LPIN1: variants seen among roughly 807,000 people sequenced by gnomAD.
The protein encoded by LPIN1 is phosphatidate phosphatase LPIN1.
Under a neutral mutation model 107.5 loss-of-function variants are expected in LPIN1, and 71 were observed. That is an observed-to-expected ratio of 0.66 (90% CI 0.55 to 0.80). The LOEUF (loss-of-function observed/expected upper bound fraction) is 0.80, where lower values mean the gene tolerates loss of function less well. Ranked by LOEUF, LPIN1 falls within the 30% of genes least tolerant of loss-of-function variation. The pLI, the probability that LPIN1 is intolerant of heterozygous loss-of-function variation, is 0.00. For missense variants in LPIN1, 1,043 were observed against 1,160.6 expected (o/e 0.90, Z 1.47); for synonymous variants, 445 against 452.6 (o/e 0.98, Z 0.21).
chr2:11,753,673 A>G (rs1308402805), intron 1 of LPIN1, among the ~76,000 whole-genome samples: 1 of 152,198 alleles, frequency 6.6e-6, no homozygotes, highest in Non-Finnish European at 1.5e-5. Flanking sequence ...GTCACAGGTA[A>G]TTCATCACCC....
intron 13 of LPIN1, among the ~76,000 whole-genome samples, chr2:11,794,061 G>A (rs949549257): frequency 1.3e-5 from 2 of 152,204 alleles, no homozygotes; most frequent in African/African-American, 4.8e-5. Flanking sequence ...ATGTTTGCTG[G>A]AAGAGTTTTA....
chr2:11,815,053 G>C (rs1359104799), intron 17 of LPIN1, 35 bp from the exon 18 acceptor site: 1 of 1,606,786 alleles, frequency 6.2e-7, no homozygotes, highest in African/African-American at 1.3e-5. Context: ...TCCATTTTCT[G>C]ATGCCATGAA....
At chr2:11,796,607 G>A (rs549054969) in intron 14 of LPIN1, among the ~76,000 whole-genome samples, 2 of 152,212 alleles carry the variant, frequency 1.3e-5, no homozygotes, top group East Asian at 3.9e-4. Context: ...GTTTCCCCTG[G>A]TGGTGTCCCA....
chr2:11,680,781 T>C (rs1661671462), intron 1 of LPIN1, among the ~76,000 whole-genome samples: 1 of 152,088 alleles, frequency 6.6e-6, no homozygotes, highest in Non-Finnish European at 1.5e-5. Flanking sequence ...TGTGGTGACA[T>C]TCGTCTTGGT....
chr2:11,805,558 C>T (rs572277815), intron 17 of LPIN1: 14 of 324,464 alleles, frequency 4.3e-5, no homozygotes, highest in South Asian at 1.4e-4. Flanking sequence ...CAAGTTTTGG[C>T]GGCGTTGCAG....
At chr2:11,699,514 G>A (rs1662758450) in intron 1 of LPIN1, among the ~76,000 whole-genome samples, 1 of 152,048 alleles carries the variant, frequency 6.6e-6, no homozygotes, top group Non-Finnish European at 1.5e-5. Context: ...CGGTGCTAGT[G>A]TGAGTCATGG....
At position 11,709,885 on chromosome 2, in the gene LPIN1, ATG is replaced by A. The variant is rs200485659; in HGVS notation, c.82-3868_82-3867del. Among the ~76,000 whole-genome samples, 1,218 of 152,354 alleles carry A rather than the reference ATG, an allele frequency of 8.0e-3. 6 individuals are homozygous for A. The highest frequency in any genetic ancestry group is 0.013 in the Non-Finnish European group (852 of 68,036). On this transcript the variant is annotated intron_variant, in intron 1 of 21. Transcript: ENST00000449576. ...GAGCTTTGGAGTCCCACAGACCTGA[ATG>A]TGAATTTGGACGTAGGCTCCAGATA...
rs1572692385 is a variant in LPIN1, at chr2:11,767,504, A to G, written c.193-259A>G. The G allele has an allele frequency of 1.0e-5, 5 of 487,394 alleles. No individual in the cohort carries two copies. The Admixed American group carries it at 1.7e-4, about 16-fold the overall frequency. The allele number at this position is 487,394 out of a possible 1,614,324, so 30.2% of individuals were successfully genotyped here. On this transcript the variant is annotated intron_variant, in intron 2 of 20. Coordinates refer to ENST00000674199, the MANE Select transcript of LPIN1 (RefSeq NM_001349206.2). ...TTTAATAATTATAATAATGGCCAAA[A>G]CTGCAGTTATTTTTGCACCAACGTA...
chr2:11,800,643 CT>C (rs1420963457), intron 14 of LPIN1, among the ~76,000 whole-genome samples: 5 of 152,006 alleles, frequency 3.3e-5, no homozygotes, highest in African/African-American at 1.2e-4. Context: ...TAAATGAACA[CT>C]TATGGGGTCA....
At chr2:11,811,561 G>T (rs1461233841) in intron 17 of LPIN1, among the ~76,000 whole-genome samples, 1 of 152,242 alleles carries the variant, frequency 6.6e-6, no homozygotes, top group Non-Finnish European at 1.5e-5. Context: ...CCAGTTCTGA[G>T]TGAGATTAGC....
rs538179741 is a variant in LPIN1 at position 11,677,670 on chromosome 2, G to T, written c.23G>T (p.Arg8Leu). The T allele has an allele frequency of 6.5e-6, 10 of 1,535,702 alleles. No homozygotes were observed. In the South Asian group the frequency reaches 9.5e-5, roughly 15 times the overall value. ...GCCATGGGGGAACAGGACGGCATTC[G>T]CAGCTCCAGCTGGGAGACCTCGCAG... The change falls in exon 1 of 22, where the codon CGC (arginine) becomes CTC (leucine). Residue 8 changes from arginine (R) to leucine (L), a missense_variant. Coordinates refer to the LPIN1 transcript ENST00000449576.
intron 1 of LPIN1, among the ~76,000 whole-genome samples, chr2:11,683,515 G>A (rs573005744): frequency 8.5e-5 from 13 of 152,288 alleles, no homozygotes; most frequent in Non-Finnish European, 1.8e-4. Flanking sequence ...GGAGTTGAAC[G>A]TGAGGGATGG....
intron 1 of LPIN1, among the ~76,000 whole-genome samples, chr2:11,738,647 C>A (rs562310052): frequency 1.3e-5 from 2 of 152,272 alleles, no homozygotes; most frequent in African/African-American, 4.8e-5. Flanking sequence ...ATAAGAGCAG[C>A]CTCACAAGTG....
intron 17 of LPIN1, among the ~76,000 whole-genome samples, chr2:11,806,502 G>A (rs867804729): frequency 3.3e-5 from 5 of 151,996 alleles, no homozygotes; most frequent in South Asian, 2.1e-4. Context: ...AGGCTGAGGC[G>A]GGAGGATTGC....
At chr2:11,678,038 C>T (rs1661520446) in intron 1 of LPIN1, among the ~76,000 whole-genome samples, 2 of 152,230 alleles carry the variant, frequency 1.3e-5, no homozygotes, top group Non-Finnish European at 2.9e-5. Context: ...TTCAGAGCTT[C>T]GTGAGTGCCT....
chr2:11,692,948 T>C (rs1408327034), intron 1 of LPIN1, among the ~76,000 whole-genome samples: 1 of 152,220 alleles, frequency 6.6e-6, no homozygotes, highest in East Asian at 1.9e-4. Context: ...TTTAAGGCAT[T>C]GAGGCCAGCT....
At chr2:11,816,163 C>G (rs1005946291) in intron 18 of LPIN1, 1 of 152,182 alleles carries the variant, frequency 6.6e-6, no homozygotes, top group Non-Finnish European at 1.5e-5. Flanking sequence ...TTTCCTTTAG[C>G]TCTGTAGGTA....
At chr2:11,795,142 T>C (rs906576073) in intron 13 of LPIN1, among the ~76,000 whole-genome samples, 5 of 152,230 alleles carry the variant, frequency 3.3e-5, no homozygotes, top group African/African-American at 7.2e-5. Context: ...GAGTTTGGTT[T>C]GGTGCCACAA....
intron 2 of LPIN1, 89 bp from the exon 3 acceptor site, chr2:11,767,674 G>T: frequency 1.2e-6 from 1 of 810,982 alleles, no homozygotes; most frequent in South Asian, 1.4e-5. Flanking sequence ...TGCGATGATA[G>T]CGTATCTGTG....
Sources: allele counts gnomAD v4.1 joint callset (sites outside exome capture counted in the v4.1 genomes callset), GRCh38; gene constraint gnomAD v4.1.1; transcripts MANE v1.5; gene names NCBI Gene and HGNC (gene_info 2026-07-23, HGNC 2026-07-21).